OTOF: variants seen among roughly 807,000 people sequenced by gnomAD.
OTOF encodes the protein otoferlin, also known as fer-1-like family member 2.
A neutral mutation model predicts 236.8 loss-of-function variants in OTOF; 218 were observed. The observed-to-expected ratio is 0.92, with a 90% confidence interval of 0.82 to 1.03. The LOEUF (loss-of-function observed/expected upper bound fraction) is 1.03. Among genes scored for constraint, OTOF ranks in the 50% least tolerant of loss-of-function variants. OTOF has a pLI of 0.00. For missense variants in OTOF, 2,590 were observed against 2,694.4 expected (o/e 0.96, Z 0.86); for synonymous variants, 1,041 against 1,072.5 (o/e 0.97, Z 0.57).
chr2:26,492,976 T>A (rs1665884970), intron 9 of OTOF, among the ~76,000 whole-genome samples: 2 of 151,880 alleles, frequency 1.3e-5, no homozygotes, highest in East Asian at 1.9e-4. Flanking sequence ...TGGAGGGAGA[T>A]CCCTTAAGTT....
At chr2:26,496,679 T>C (rs1665994974) in intron 8 of OTOF, among the ~76,000 whole-genome samples, 1 of 152,090 alleles carries the variant, frequency 6.6e-6, no homozygotes. Flanking sequence ...TCATTTGGAT[T>C]TGGAGGTGTC....
At chr2:26,492,043 C>A (rs1023016669) in intron 9 of OTOF, among the ~76,000 whole-genome samples, 1 of 152,092 alleles carries the variant, frequency 6.6e-6, no homozygotes, top group Non-Finnish European at 1.5e-5. Context: ...TACATTCCCA[C>A]GACGAGGAGG....
rs1558462065 is a variant in OTOF, at chr2:26,458,288, C to A, written c.*18-68G>T. On this transcript the variant is annotated intron_variant, in intron 46 of 46. Coordinates refer to ENST00000272371, the MANE Select transcript of OTOF (RefSeq NM_194248.3). ...GCTGCCTCCCAGTGCACCCCATCCT[C>A]TGTCCTTCTGGACCCCCAAAAGCCC... 4.7e-6 allele frequency: 7 copies of A among 1,483,280 alleles called. 1 individual carries two copies. The highest frequency in any genetic ancestry group is 6.4e-6 in the Non-Finnish European group (7 of 1,086,556). The allele number at this position is 1,483,280 out of a possible 1,614,324, so 91.9% of individuals were successfully genotyped here.
chr2:26,551,237 C>A (rs763335916), intron 1 of OTOF, among the ~76,000 whole-genome samples: 1 of 152,214 alleles, frequency 6.6e-6, no homozygotes, highest in Admixed American at 6.5e-5. Flanking sequence ...TGATCCCCCC[C>A]GCCTTGGCCT....
intron 9 of OTOF, among the ~76,000 whole-genome samples, chr2:26,493,957 C>T (rs1665912076): frequency 6.6e-6 from 1 of 152,204 alleles, no homozygotes; most frequent in Non-Finnish European, 1.5e-5. Context: ...TTTCGCTGTT[C>T]TTCATGCCTC....
intron 13 of OTOF, 68 bp downstream of exon 13, chr2:26,483,394 C>T (rs992445166): frequency 3.5e-6 from 5 of 1,441,642 alleles, no homozygotes; most frequent in Non-Finnish European, 4.9e-6. Context: ...CCAGGCCCCA[C>T]ACCCATCAGC....
intron 40 of OTOF, 63 bp from the exon 41 acceptor site, chr2:26,463,634 C>G (rs545095236): frequency 9.1e-5 from 117 of 1,283,246 alleles, no homozygotes; most frequent in Middle Eastern, 1.8e-4. Context: ...AAGATCAGCT[C>G]TCCTCTCCCT....
chr2:26,524,546 G>A (rs2148109490), intron 3 of OTOF, among the ~76,000 whole-genome samples: 1 of 152,242 alleles, frequency 6.6e-6, no homozygotes, highest in South Asian at 2.1e-4. Flanking sequence ...AATAGAAGCT[G>A]TAACTTTCAA....
chr2:26,479,689 T>C (rs754969572), intron 16 of OTOF, 36 bp from the exon 17 acceptor site: 3 of 1,598,660 alleles, frequency 1.9e-6, no homozygotes, highest in Non-Finnish European at 1.7e-6. Flanking sequence ...CTAGAGTGCA[T>C]TCCCCACCAG....
chr2:26,520,127 GA>G (rs1402143372), intron 3 of OTOF, among the ~76,000 whole-genome samples: 1 of 152,226 alleles, frequency 6.6e-6, no homozygotes, highest in East Asian at 1.9e-4. Context: ...AACTCAGACA[GA>G]CGTTCTTACA....
In OTOF at chr2:26,482,393, TC is replaced by T; in HGVS notation, c.1579+12del. 6.2e-7 allele frequency: 1 copy of T among 1,612,470 alleles called. No individual in the cohort carries two copies. Among genetic ancestry groups the T allele is most frequent in the Non-Finnish European group, 8.5e-7 (1 of 1,179,552 alleles). On this transcript the variant is annotated intron_variant, in intron 14 of 46. Transcript: ENST00000272371. Reference sequence around the variant, plus strand: ...CCTCTGCCCCCCAGCACACCGGGTCTCCCGCTGCTGACCTTTGTCTCCGTCA... The same window carrying T: ...CCTCTGCCCCCCAGCACACCGGGTCTCCGCTGCTGACCTTTGTCTCCGTCA...
At chr2:26,521,203 C>T (rs1026979932) in intron 3 of OTOF, among the ~76,000 whole-genome samples, 1 of 152,190 alleles carries the variant, frequency 6.6e-6, no homozygotes, top group Non-Finnish European at 1.5e-5. Flanking sequence ...TTTGAGAATC[C>T]CTGCTCTACT....
In OTOF at chr2:26,465,688, C is replaced by T. The variant is rs772763082; in HGVS notation, c.4783G>A (p.Ala1595Thr). Residue 1595 changes from alanine (A) to threonine (T), a missense_variant, in exon 38 of 47, where the codon GCC becomes ACC. Around this residue, in one of 2 missense-constraint regions of OTOF, gnomAD observed 1,211 missense variants for 1,352.8 expected, o/e 0.90. Transcript: ENST00000272371. ...YSKHRATCGIAQTYSTHGYNI... is the reference protein window; with the variant it reads ...YSKHRATCGITQTYSTHGYNI... ...CCCACATACGTGGAGTAGGTCTGGG[C>T]GATGCCGCAGGTGGCGCGGTGCTTG... 3.3e-5 allele frequency: 54 copies of T among 1,614,260 alleles called. No homozygotes were observed. In the Middle Eastern group the frequency reaches 4.9e-4, roughly 15 times the overall value.
At chr2:26,553,004 G>T (rs1667501127) in intron 1 of OTOF, among the ~76,000 whole-genome samples, 1 of 152,180 alleles carries the variant, frequency 6.6e-6, no homozygotes, top group Admixed American at 6.5e-5. Flanking sequence ...CTTTACCAGG[G>T]GCGGCAGATA....
Position 26,495,049 on chromosome 2 carries a change from G to T in OTOF, c.790C>A (p.Arg264=), listed in dbSNP as rs746386736. The T allele has an allele frequency of 1.9e-6, 3 of 1,614,124 alleles. No individual in the cohort carries two copies. The highest frequency in any genetic ancestry group is 3.3e-5 in the Admixed American group (2 of 60,030). ...TCCATGTTCAAGCCCACCAGCTGCC[G>T]GGCCTCGATCACCGTGATGCTGACC... ...YQVSITVIEA[R]QLVGLNMDPV... The change falls in exon 9 of 47, where the codon CGG becomes AGG. Residue 264 remains arginine, a synonymous_variant. Transcript: ENST00000272371.
chr2:26,542,053 T>C (rs563405717), intron 1 of OTOF, among the ~76,000 whole-genome samples: 2 of 152,346 alleles, frequency 1.3e-5, no homozygotes, highest in East Asian at 3.9e-4. Flanking sequence ...CCTTTCACCA[T>C]TTAAAAATAC....
chr2:26,502,273 G>C, intron 7 of OTOF, 27 bp downstream of exon 7: 1 of 1,613,452 alleles, frequency 6.2e-7, no homozygotes, highest in South Asian at 1.1e-5. Flanking sequence ...GGGGGCAGCT[G>C]GGGTTGCAGG....
intron 15 of OTOF, among the ~76,000 whole-genome samples, chr2:26,480,572 T>C (rs1366377108): frequency 6.6e-6 from 1 of 152,200 alleles, no homozygotes; most frequent in Non-Finnish European, 1.5e-5. Context: ...CTGGCGGCCG[T>C]TGTGAGACAG....
rs1333454443 is a variant in OTOF at position 26,552,160 on chromosome 2, C to CA, written c.79+6332dup. On this transcript the variant is annotated intron_variant, in intron 1 of 46. Transcript: ENST00000272371. The stretch of plus-strand genomic sequence containing the variant: ...ATCCCAGCACTTTGGGAGGCTGAGC[C>CA]AGGCAGCTCACATGAGCCCGGGAGT... Among the ~76,000 whole-genome samples the CA allele has an allele frequency of 2.0e-5, 3 of 150,984 alleles. No individual in the cohort carries two copies. The East Asian group carries it at 5.8e-4, about 29-fold the overall frequency.
Sources: gnomAD v4.1 joint callset for allele counts (sites outside exome capture counted in the v4.1 genomes callset) on GRCh38, gnomAD v4.1.1 for gene constraint, gnomAD v4.1.1 regional missense constraint, MANE v1.5 for transcripts, NCBI Gene and HGNC (gene_info 2026-07-23, HGNC 2026-07-21) for gene names.